NHS: variants seen among roughly 807,000 people sequenced by gnomAD.
NHS encodes NHS actin remodeling regulator.
A neutral mutation model predicts 72.5 loss-of-function variants in NHS; 5 were observed. The ratio of observed to expected loss-of-function variants is 0.07; its 90% CI spans 0.04 to 0.14. NHS has a LOEUF of 0.14. NHS is among the 10% of genes least tolerant of loss of function. The pLI, the probability that NHS is intolerant of heterozygous loss-of-function variation, is 1.00. For synonymous variants in NHS, 464 were observed against 547.7 expected (o/e 0.85, Z 2.13); for missense variants, 1,072 against 1,355.7 (o/e 0.79, Z 3.29).
At chrX:17,376,834 C>G (rs992898904) in intron 1 of NHS, among the ~76,000 whole-genome samples, 1 of 113,011 alleles carries the variant, frequency 8.8e-6, no homozygotes, top group African/African-American at 3.2e-5. Flanking sequence ...TTTCGTCACT[C>G]GCTGTGACCT....
At chrX:17,529,880 T>C (rs931649024) in intron 1 of NHS, among the ~76,000 whole-genome samples, 3 of 111,538 alleles carry the variant, frequency 2.7e-5, no homozygotes, top group African/African-American at 9.8e-5. Context: ...GGATGTCAGC[T>C]AAAACCAACT....
chrX:17,661,820 A>C (rs1448404136), intron 1 of NHS, among the ~76,000 whole-genome samples: 1 of 111,970 alleles, frequency 8.9e-6, no homozygotes, highest in Non-Finnish European at 1.9e-5. Context: ...CCCTGAAGAA[A>C]GTCACCCCGT....
intron 1 of NHS, among the ~76,000 whole-genome samples, chrX:17,522,500 C>A (rs1413684370): frequency 1.7e-5 from 1 of 59,197 alleles, no homozygotes; most frequent in African/African-American, 5.6e-5. Context: ...GCCGCCCCCC[C>A]CCCCCCGCCC....
intron 1 of NHS, among the ~76,000 whole-genome samples, chrX:17,485,616 G>A (rs1244866755): frequency 9.1e-6 from 1 of 109,940 alleles, no homozygotes; most frequent in Non-Finnish European, 1.9e-5. Context: ...CTCCTGCCAG[G>A]TTCTAAAGCA....
chrX:17,690,788 A>T (rs2066190959), intron 2 of NHS, among the ~76,000 whole-genome samples: 1 of 111,990 alleles, frequency 8.9e-6, no homozygotes. Flanking sequence ...ATTTCAAGTT[A>T]TTTAGGCTCT....
At chrX:17,453,731 G>T (rs1317735110) in intron 1 of NHS, among the ~76,000 whole-genome samples, 2 of 112,227 alleles carry the variant, frequency 1.8e-5, no homozygotes, top group African/African-American at 3.2e-5. Flanking sequence ...ACACAGCAAA[G>T]GTTTGGAACC....
intron 1 of NHS, among the ~76,000 whole-genome samples, chrX:17,472,363 A>G (rs1040722015): frequency 1.8e-5 from 2 of 110,925 alleles, no homozygotes; most frequent in South Asian, 3.9e-4. Context: ...GACAGAGACA[A>G]GAGACATAGC....
At chrX:17,403,282 A>G (rs2064511531) in intron 1 of NHS, among the ~76,000 whole-genome samples, 1 of 112,134 alleles carries the variant, frequency 8.9e-6, no homozygotes, top group Middle Eastern at 4.6e-3. Context: ...TGCAGGAGAG[A>G]TTGGCACATA....
intron 1 of NHS, among the ~76,000 whole-genome samples, chrX:17,430,251 C>CTT (rs2064683128): frequency 1.5e-5 from 1 of 65,491 alleles, no homozygotes; most frequent in African/African-American, 5.7e-5. Context: ...CCTCCCTCCC[C>CTT]TCTTTCTTTT....
intron 3 of NHS, among the ~76,000 whole-genome samples, chrX:17,707,767 G>C (rs1469653053): frequency 1.4e-5 from 1 of 73,463 alleles, no homozygotes; most frequent in Non-Finnish European, 2.0e-5. Context: ...GAGTACAAGA[G>C]TACTATAAAG....
At chrX:17,623,469 G>A (rs1055353147) in intron 1 of NHS, among the ~76,000 whole-genome samples, 8 of 111,169 alleles carry the variant, frequency 7.2e-5, no homozygotes, top group African/African-American at 2.0e-4. Flanking sequence ...TTGCATGTGC[G>A]TGTGGGAAGT....
chrX:17,707,873 A>C (rs1264796642), intron 3 of NHS, among the ~76,000 whole-genome samples: 2 of 111,079 alleles, frequency 1.8e-5, no homozygotes, highest in Admixed American at 9.5e-5. Flanking sequence ...TTCATTTAAG[A>C]TTTTCAGTTT....
intron 1 of NHS, among the ~76,000 whole-genome samples, chrX:17,626,137 AG>A: frequency 8.9e-6 from 1 of 112,439 alleles, no homozygotes; most frequent in Non-Finnish European, 1.9e-5. Flanking sequence ...ACATATGGCT[AG>A]GGGCTGCCAT....
At chrX:17,391,871 C>T (rs755145668) in intron 1 of NHS, among the ~76,000 whole-genome samples, 2 of 111,623 alleles carry the variant, frequency 1.8e-5, no homozygotes, top group South Asian at 3.8e-4. Context: ...CCTATAATGA[C>T]GATATCCTCT....
At chrX:17,538,698 G>C (rs954886336) in intron 1 of NHS, among the ~76,000 whole-genome samples, 1 of 112,007 alleles carries the variant, frequency 8.9e-6, no homozygotes, top group Admixed American at 9.4e-5. Context: ...TAGATTTCTG[G>C]TCATGCTCTC....
chrX:17,716,623 T>C (rs781045986), intron 3 of NHS, among the ~76,000 whole-genome samples: 12 of 111,793 alleles, frequency 1.1e-4, no homozygotes, highest in African/African-American at 3.6e-4. Context: ...AAGGGAGCCA[T>C]AGACCCTACA....
intron 1 of NHS, among the ~76,000 whole-genome samples, chrX:17,423,673 T>G (rs2064635358): frequency 8.9e-6 from 1 of 111,957 alleles, no homozygotes; most frequent in Non-Finnish European, 1.9e-5. Context: ...GTGTTCAAAA[T>G]ATTCCATTTC....
In NHS at chrX:17,621,222, G is replaced by A. The variant is rs534303602; in HGVS notation, c.566-66520G>A. 2.7e-5 allele frequency among the ~76,000 whole-genome samples: 3 copies of A among 112,229 alleles called. No individual in the cohort carries two copies. The East Asian group carries it at 8.5e-4, about 32-fold the overall frequency. On this transcript the variant is annotated intron_variant, in intron 1 of 8. Coordinates refer to ENST00000676302, the MANE Select transcript of NHS (RefSeq NM_001291867.2). ...CCTGGGGATTGGGACAGAGGACAGA[G>A]TCCTGGGCAATGCCCAGGTTCCTGG...
At chrX:17,458,796 G>A (rs2064835468) in intron 1 of NHS, among the ~76,000 whole-genome samples, 1 of 112,450 alleles carries the variant, frequency 8.9e-6, no homozygotes, top group Non-Finnish European at 1.9e-5. Context: ...CCTGGCCTGT[G>A]CATGCATTCT....
Sources: allele counts gnomAD v4.1 joint callset (sites outside exome capture counted in the v4.1 genomes callset), GRCh38; gene constraint gnomAD v4.1.1; transcripts MANE v1.5; gene names NCBI Gene and HGNC (gene_info 2026-07-23, HGNC 2026-07-21).